The following WNK2 variants were observed in gnomAD, a reference collection of about 807,000 sequenced individuals.
WNK2 encodes the protein serine/threonine-protein kinase WNK2.
WNK2 carries 67 observed loss-of-function variants against 192.1 expected under a neutral mutation model. That is an observed-to-expected ratio of 0.35 (90% CI 0.29 to 0.43). The LOEUF (loss-of-function observed/expected upper bound fraction) is 0.43, where lower values mean the gene tolerates loss of function less well. WNK2 is among the 20% of genes least tolerant of loss of function. The pLI, the probability that WNK2 is intolerant of heterozygous loss-of-function variation, is 1.00. For missense variants in WNK2, 2,698 were observed against 3,089.7 expected, an observed-to-expected ratio of 0.87 and a Z score of 3.01; for synonymous variants, 1,439 against 1,393.9, an observed-to-expected ratio of 1.03 and a Z score of -0.72.
intron 19 of WNK2, among the ~76,000 whole-genome samples, chr9:93,270,766 G>T (rs1254326544): frequency 1.3e-5 from 2 of 152,172 alleles, no homozygotes; most frequent in Non-Finnish European, 2.9e-5. Flanking sequence ...AGTTCTGGAG[G>T]TAACAGGAGC....
rs767683269 is a variant in WNK2 at position 93,289,379 on chromosome 9, T to G, written c.4625T>G (p.Val1542Gly). The G allele has an allele frequency of 1.6e-5, 26 of 1,612,014 alleles. No individual in the cohort carries two copies. The highest frequency in any genetic ancestry group is 2.2e-5 in the Non-Finnish European group (26 of 1,179,498). Residue 1542 changes from valine (V) to glycine (G), a missense_variant, in exon 20 of 30, where the codon GTG (valine) becomes GGG (glycine). Physicochemically the swap from Val to Gly is moderately radical, Grantham distance 109. Transcript: ENST00000427277. The stretch of plus-strand genomic sequence containing the variant: ...GATGGGGAAGGGCCGCCCCCCAGGG[T>G]GGGCTTTGTGGACAGCACCATCAAG... The part of the protein sequence containing the change: ...ESDGEGPPPR[V>G]GFVDSTIKSL...
At chr9:93,217,223 C>T (rs1835910504) in intron 2 of WNK2, among the ~76,000 whole-genome samples, 1 of 152,182 alleles carries the variant, frequency 6.6e-6, no homozygotes, top group African/African-American at 2.4e-5. Flanking sequence ...TCCCAAAGTG[C>T]TGGGATTACA....
intron 19 of WNK2, among the ~76,000 whole-genome samples, chr9:93,277,550 C>T (rs565840949): frequency 4.6e-5 from 7 of 152,214 alleles, no homozygotes; most frequent in Non-Finnish European, 1.0e-4. Context: ...ATGGGTGAAC[C>T]TCAAAGGCAT....
intron 2 of WNK2, among the ~76,000 whole-genome samples, chr9:93,192,325 AAG>A (rs896337732): frequency 6.6e-6 from 1 of 151,866 alleles, no homozygotes; most frequent in African/African-American, 2.4e-5. Flanking sequence ...AAAAAAAAAA[AAG>A]AGAGAGAGAG....
intron 5 of WNK2, 73 bp downstream of exon 5, chr9:93,235,038 A>T (rs1839558305): frequency 2.6e-6 from 4 of 1,562,832 alleles, no homozygotes; most frequent in South Asian, 2.3e-5. Flanking sequence ...GCTGGGCTCC[A>T]TGTGGCTCTG....
rs1843884726 is a variant in WNK2, at chr9:93,259,631, C to A, written c.3066+17C>A. On this transcript the variant is annotated intron_variant, in intron 12 of 29. Coordinates refer to ENST00000427277, the MANE Select transcript of WNK2 (RefSeq NM_006648.4). The surrounding 1 kb of genome is among the most constrained non-coding windows in gnomAD (Gnocchi z 4.8). ...GGGAGCCAGGTAATCACCTGCTGGG[C>A]AGGGGCTCACCCTCCCAGCGTCTGG... The A allele has an allele frequency of 1.9e-6, 3 of 1,546,124 alleles. No individual in the cohort carries two copies. In the African/African-American group the frequency reaches 4.1e-5, roughly 21 times the overall value.
At chr9:93,320,309 T>C (rs2134521597) in intron 29 of WNK2, 58 bp from the exon 30 acceptor site, 1 of 1,366,632 alleles carries the variant, frequency 7.3e-7, no homozygotes, top group Non-Finnish European at 9.8e-7. Context: ...GCCTGGCCCT[T>C]GGCGAGTGGC....
chr9:93,194,140 A>G (rs1376927015), intron 2 of WNK2, among the ~76,000 whole-genome samples: 1 of 152,260 alleles, frequency 6.6e-6, no homozygotes, highest in Non-Finnish European at 1.5e-5. Context: ...ATCCAAAATT[A>G]TAAACCTAGC....
chr9:93,274,422 G>A (rs1326164271), intron 19 of WNK2, among the ~76,000 whole-genome samples: 1 of 150,242 alleles, frequency 6.7e-6, no homozygotes, highest in Non-Finnish European at 1.5e-5. Context: ...TGAGGCAGGA[G>A]AATGGCGTGA....
At chr9:93,203,913 G>C (rs976755587) in intron 2 of WNK2, among the ~76,000 whole-genome samples, 2 of 152,176 alleles carry the variant, frequency 1.3e-5, no homozygotes, top group African/African-American at 2.4e-5. Context: ...GTTGGGGCCA[G>C]CCAGGAGCCC....
In WNK2 at chr9:93,292,663, C is replaced by T; in HGVS notation, c.5198C>T (p.Pro1733Leu). The T allele has an allele frequency of 6.3e-7, 1 of 1,578,586 alleles. No individual in the cohort carries two copies. Among genetic ancestry groups the T allele is most frequent in the African/African-American group, 1.4e-5 (1 of 73,792 alleles). Residue 1733 changes from proline to leucine, a missense_variant, in exon 23 of 30, where the codon CCA (proline) becomes CTA (leucine). Coordinates refer to ENST00000427277, the MANE Select transcript of WNK2 (RefSeq NM_006648.4). The stretch of plus-strand genomic sequence containing the variant: ...GCTTTGGGGTCCCCTCGGAAACGTC[C>T]AGAGCAGCAGGATGTCAGCTCACCA... ...ARALGSPRKRPEQQDVSSPAK... is the reference protein window; with the variant it reads ...ARALGSPRKRLEQQDVSSPAK...
intron 7 of WNK2, among the ~76,000 whole-genome samples, chr9:93,244,352 G>C (rs1399872988): frequency 2.0e-5 from 3 of 152,196 alleles, no homozygotes; most frequent in African/African-American, 7.2e-5. Flanking sequence ...AGGGACTCTG[G>C]GAGTCGACCC....
At chr9:93,215,156 C>G (rs562354829) in intron 2 of WNK2, among the ~76,000 whole-genome samples, 80 of 152,186 alleles carry the variant, frequency 5.3e-4, no homozygotes, top group African/African-American at 1.8e-3. Flanking sequence ...GAGTCTTGCT[C>G]TGTTGCCCAG....
In WNK2 at chr9:93,272,669, C is replaced by T. The variant is rs530753211; in HGVS notation, c.4033+3923C>T. Among the ~76,000 whole-genome samples the T allele has an allele frequency of 6.5e-5, 9 of 139,498 alleles. No individual in the cohort carries two copies. The East Asian group carries it at 1.5e-3, about 24-fold the overall frequency. The allele number at this position is 139,498 out of a possible 152,430, so 91.5% of individuals were successfully genotyped here. ...AGGAGAATCACTTGAACCCGAGAGG[C>T]GGCAGTTGCAGTAAGCCGAGATCGC... On this transcript the variant is annotated intron_variant, in intron 19 of 29. Transcript: ENST00000427277.
At position 93,262,072 on chromosome 9, in the gene WNK2, C is replaced by G. The variant is rs747588374; in HGVS notation, c.3325C>G (p.Pro1109Ala). The G allele has an allele frequency of 3.1e-6, 5 of 1,608,008 alleles. No individual in the cohort carries two copies. In the South Asian group the frequency reaches 5.5e-5, roughly 18 times the overall value. ...CGGGCCCGGGATCGCCAGCCCTTGC[C>G]CAACTGTCCAGCTGACGGTGGAACC... ...PGGPGIASPCPTVQLTVEPVQ... is the reference protein window; with the variant it reads ...PGGPGIASPCATVQLTVEPVQ... The change falls in exon 13 of 30, where the codon CCA becomes GCA. Residue 1109 changes from proline (P) to alanine (A), a missense_variant. Pro to Ala is a conservative substitution (Grantham distance 27). This residue lies in a region of WNK2 where 893 missense variants were observed against 909.0 expected (regional missense o/e 0.98). Transcript: ENST00000427277.
intron 2 of WNK2, among the ~76,000 whole-genome samples, chr9:93,211,851 T>C (rs1472936624): frequency 6.7e-6 from 1 of 149,516 alleles, no homozygotes; most frequent in Non-Finnish European, 1.5e-5. Context: ...CACTCACACA[T>C]TCCCTCACTC....
intron 2 of WNK2, among the ~76,000 whole-genome samples, chr9:93,228,637 C>T (rs572251378): frequency 2.0e-5 from 3 of 152,216 alleles, no homozygotes; most frequent in East Asian, 3.9e-4. Flanking sequence ...GTGAGAAGGG[C>T]GTGGCACGTG....
At chr9:93,260,284 T>C (rs1055561272) in intron 12 of WNK2, among the ~76,000 whole-genome samples, 1 of 152,124 alleles carries the variant, frequency 6.6e-6, no homozygotes, top group Admixed American at 6.5e-5. Flanking sequence ...TTGCAGACTA[T>C]TCTGTTCAAA....
At chr9:93,255,422 G>A (rs1040903480) in intron 9 of WNK2, among the ~76,000 whole-genome samples, 2 of 152,192 alleles carry the variant, frequency 1.3e-5, no homozygotes, top group Non-Finnish European at 2.9e-5. Flanking sequence ...GGCCCAGTCA[G>A]GCCCATCCTC....
Sources: allele counts gnomAD v4.1 joint callset (sites outside exome capture counted in the v4.1 genomes callset), GRCh38; gene constraint gnomAD v4.1.1; regional missense constraint gnomAD v4.1.1; non-coding constraint Gnocchi (gnomAD v3.1); transcripts MANE v1.5; gene names NCBI Gene and HGNC (gene_info 2026-07-23, HGNC 2026-07-21).